CACNA2D4: variants seen among roughly 807,000 people sequenced by gnomAD.
CACNA2D4 encodes voltage-dependent calcium channel subunit alpha-2/delta-4.
CACNA2D4 carries 157 observed loss-of-function variants against 163.8 expected under a neutral mutation model. That is an observed-to-expected ratio of 0.96 (90% CI 0.84 to 1.09). The LOEUF (loss-of-function observed/expected upper bound fraction) is 1.09, where lower values mean the gene tolerates loss of function less well. Ranked by LOEUF, CACNA2D4 falls within the 50% of genes least tolerant of loss-of-function variation. The pLI is 0.00. For missense variants in CACNA2D4, 1,410 were observed against 1,479.9 expected, an observed-to-expected ratio of 0.95 and a Z score of 0.78; for synonymous variants, 598 against 586.9, an observed-to-expected ratio of 1.02 and a Z score of -0.27.
chr12:1,838,473 G>A (rs972281274), intron 26 of CACNA2D4, among the ~76,000 whole-genome samples: 1 of 152,240 alleles, frequency 6.6e-6, no homozygotes, highest in Non-Finnish European at 1.5e-5. Flanking sequence ...CAGGATCAGG[G>A]AGGCTGAGCC....
chr12:1,800,686 C>A, intron 31 of CACNA2D4: 1 of 595,584 alleles, frequency 1.7e-6, no homozygotes. Flanking sequence ...TGGACATGCC[C>A]CTCCAGGAGA....
intron 6 of CACNA2D4, among the ~76,000 whole-genome samples, chr12:1,893,863 A>G (rs1025485538): frequency 1.3e-5 from 2 of 152,284 alleles, no homozygotes; most frequent in Non-Finnish European, 2.9e-5. Context: ...AAGCAAGAAC[A>G]AACCAAACCT....
intron 23 of CACNA2D4, among the ~76,000 whole-genome samples, chr12:1,850,642 C>G (rs185870122): frequency 6.6e-6 from 1 of 151,978 alleles, no homozygotes; most frequent in Non-Finnish European, 1.5e-5. Context: ...CGGTGGCTCA[C>G]GCCTGTAATC....
chr12:1,831,253 G>C (rs1864615214), intron 26 of CACNA2D4: 1 of 1,613,678 alleles, frequency 6.2e-7, no homozygotes, highest in Non-Finnish European at 8.5e-7. Flanking sequence ...AACAGCATCA[G>C]GACCCTGGAC....
chr12:1,913,164 G>A (rs147920833), intron 2 of CACNA2D4, 25 bp from the exon 3 acceptor site: 3 of 1,503,070 alleles, frequency 2.0e-6, no homozygotes, highest in East Asian at 2.3e-5. Context: ...TGGGAGAGAT[G>A]CGTGCATGTG....
intron 6 of CACNA2D4, among the ~76,000 whole-genome samples, chr12:1,901,486 A>T (rs1024178536): frequency 6.6e-6 from 1 of 152,026 alleles, no homozygotes; most frequent in Non-Finnish European, 1.5e-5. Flanking sequence ...TAAATATATA[A>T]AATCATAGAT....
chr12:1,886,121 C>T (rs1866137171), intron 8 of CACNA2D4, 82 bp from the exon 9 acceptor site: 1 of 1,533,080 alleles, frequency 6.5e-7, no homozygotes, highest in South Asian at 1.1e-5. Flanking sequence ...CAAAGACACT[C>T]ATGCAGGTCA....
At chr12:1,795,211 TA>T in intron 37 of CACNA2D4, 87 bp downstream of exon 37, 1 of 1,209,968 alleles carries the variant, frequency 8.3e-7, no homozygotes. Context: ...GGCATCCCTA[TA>T]TGCTCCTGTC....
chr12:1,871,586 GTGTA>G (rs750646767), intron 18 of CACNA2D4, among the ~76,000 whole-genome samples: 42 of 150,284 alleles, frequency 2.8e-4, no homozygotes, highest in Non-Finnish European at 5.0e-4. Context: ...TGTGTTGCTG[GTGTA>G]TGTGTGTACA....
chr12:1,859,151 C>T (rs1372056159), intron 19 of CACNA2D4, among the ~76,000 whole-genome samples: 3 of 152,130 alleles, frequency 2.0e-5, no homozygotes, highest in Non-Finnish European at 4.4e-5. Context: ...ATTGGTCTGG[C>T]CAGCCTGGGC....
intron 18 of CACNA2D4, among the ~76,000 whole-genome samples, chr12:1,872,793 T>C (rs1476663494): frequency 1.3e-5 from 2 of 151,978 alleles, no homozygotes; most frequent in Middle Eastern, 3.4e-3. Context: ...GGTGAAGAGA[T>C]GGAGGATGAA....
Position 1,828,138 on chromosome 12 carries a change from T to G in CACNA2D4, c.2551+12601A>C. 6.5e-7 allele frequency: 1 copy of G among 1,535,742 alleles called. No individual in the cohort carries two copies. The highest frequency in any genetic ancestry group is 8.8e-7 in the Non-Finnish European group (1 of 1,139,780). ...CAGAGCGACAGGGCCCGGAGAGCCG[T>G]GGGCCTCACCATGCTGGCGCCGGGC... On this transcript the variant is annotated intron_variant, in intron 26 of 37. Coordinates refer to ENST00000382722, the MANE Select transcript of CACNA2D4 (RefSeq NM_172364.5). This position sits in a 1 kb window ranked among gnomAD's most constrained non-coding sequence, Gnocchi z 4.2.
intron 29 of CACNA2D4, among the ~76,000 whole-genome samples, chr12:1,803,822 A>G (rs1863420627): frequency 6.6e-6 from 1 of 152,232 alleles, no homozygotes; most frequent in Non-Finnish European, 1.5e-5. Context: ...ACTAGTTTGC[A>G]TGGACAGGCA....
Position 1,913,046 on chromosome 12 carries a change from G to T in CACNA2D4, c.403C>A (p.Arg135=). The T allele has an allele frequency of 6.2e-7, 1 of 1,613,222 alleles. No individual in the cohort carries two copies. The highest frequency in any genetic ancestry group is 8.5e-7 in the Non-Finnish European group (1 of 1,179,246). The change falls in exon 3 of 38, where the codon CGG becomes AGG. Residue 135 remains arginine (R), a synonymous_variant. Coordinates refer to ENST00000382722, the MANE Select transcript of CACNA2D4 (RefSeq NM_172364.5). The part of the protein sequence containing the change: ...KFSEDMENML[R]RKVEAVQNLV... ...ACCTGGACCGCCTCGACTTTCCTCC[G>T]CAGCATGTTCTCCATGTCCTCTGAG...
rs1864487295 is a variant in CACNA2D4, at chr12:1,828,860, G to A, written c.2551+11879C>T. 6.6e-6 allele frequency among the ~76,000 whole-genome samples: 1 copy of A among 152,204 alleles called. No homozygotes were observed. The highest frequency in any genetic ancestry group is 6.5e-5 in the Admixed American group (1 of 15,282). The stretch of plus-strand genomic sequence containing the variant: ...TGAAGGCAACACTTGGCAGCTGTCA[G>A]GGTGAAAGGAGCCCTGAGAATTCTC... On this transcript the variant is annotated intron_variant, in intron 26 of 37. Transcript: ENST00000382722. The surrounding 1 kb of genome is among the most constrained non-coding windows in gnomAD (Gnocchi z 4.2).
At chr12:1,903,719 G>A (rs2470431) in intron 6 of CACNA2D4, among the ~76,000 whole-genome samples, 139,236 of 151,966 alleles carry the variant, frequency 0.92, 63,962 homozygotes, top group East Asian at 1. Context: ...ACAGGCAATT[G>A]CAAATGCTGG....
intron 6 of CACNA2D4, among the ~76,000 whole-genome samples, chr12:1,887,884 C>G (rs1335480215): frequency 6.6e-6 from 1 of 152,174 alleles, no homozygotes; most frequent in African/African-American, 2.4e-5. Context: ...TCTAGAAGCT[C>G]CAAGGGCCCT....
At chr12:1,804,697 G>T (rs1035293493) in intron 29 of CACNA2D4, among the ~76,000 whole-genome samples, 13 of 152,344 alleles carry the variant, frequency 8.5e-5, no homozygotes, top group African/African-American at 2.9e-4. Flanking sequence ...CAGAGCCGCT[G>T]GGAGGGACTT....
chr12:1,878,413 G>A lies in CACNA2D4; in HGVS notation c.1645-24C>T, dbSNP rs368763964. The A allele has an allele frequency of 2.2e-5, 35 of 1,580,998 alleles. No individual in the cohort carries two copies. Among genetic ancestry groups the A allele is most frequent in the South Asian group, 2.3e-5 (2 of 86,174 alleles). ...AGCTGCCAGAGTCCAGGGTGGAGGC[G>A]CATTAGGCCTGCTGTTTGTGCTGGG... On this transcript the variant is annotated intron_variant, in intron 15 of 37. Coordinates refer to ENST00000382722, the MANE Select transcript of CACNA2D4 (RefSeq NM_172364.5). The surrounding 1 kb of genome is among the most constrained non-coding windows in gnomAD (Gnocchi z 4.6).
Sources: allele counts gnomAD v4.1 joint callset (sites outside exome capture counted in the v4.1 genomes callset), GRCh38; gene constraint gnomAD v4.1.1; non-coding constraint Gnocchi (gnomAD v3.1); transcripts MANE v1.5; gene names NCBI Gene and HGNC (gene_info 2026-07-23, HGNC 2026-07-21).